Variants in CCSER1 observed in about 807,000 individuals in gnomAD.
CCSER1 encodes coiled-coil serine rich protein 1.
Under a neutral mutation model 82.0 loss-of-function variants are expected in CCSER1, and 41 were observed. The observed-to-expected ratio is 0.50, with a 90% CI of 0.39 to 0.65. The LOEUF (loss-of-function observed/expected upper bound fraction) is 0.65. CCSER1 is among the 30% of genes least tolerant of loss of function. The pLI, the probability that CCSER1 is intolerant of heterozygous loss-of-function variation, is 0.00. For synonymous variants in CCSER1, 414 were observed against 383.9 expected, an observed-to-expected ratio of 1.08 and a Z score of -0.92; for missense variants, 1,119 against 1,064.2, an observed-to-expected ratio of 1.05 and a Z score of -0.72.
chr4:90,673,791 A>G (rs1008351756), intron 6 of CCSER1, among the ~76,000 whole-genome samples: 1 of 151,992 alleles, frequency 6.6e-6, no homozygotes, highest in Admixed American at 6.6e-5. Context: ...ACAACCCATT[A>G]TACATACGTT....
intron 3 of CCSER1, among the ~76,000 whole-genome samples, chr4:90,368,111 C>T (rs972124943): frequency 2.6e-5 from 4 of 151,834 alleles, no homozygotes; most frequent in African/African-American, 9.7e-5. Flanking sequence ...CAAAAGAACA[C>T]TCCAATGCTA....
intron 5 of CCSER1, among the ~76,000 whole-genome samples, chr4:90,613,429 A>G (rs1560813922): frequency 6.6e-6 from 1 of 152,184 alleles, no homozygotes; most frequent in Non-Finnish European, 1.5e-5. Flanking sequence ...AGAGGTGGGC[A>G]TCTCACAAGT....
At chr4:90,425,922 TTA>T (rs1491245147) in intron 4 of CCSER1, among the ~76,000 whole-genome samples, 4 of 151,058 alleles carry the variant, frequency 2.6e-5, no homozygotes, top group African/African-American at 9.9e-5. Context: ...TCTATTTTTT[TTA>T]AAAAAAAAAC....
At chr4:90,992,894 A>G (rs1737166788) in intron 9 of CCSER1, among the ~76,000 whole-genome samples, 1 of 151,926 alleles carries the variant, frequency 6.6e-6, no homozygotes, top group Admixed American at 6.6e-5. Flanking sequence ...CCCAAATCAT[A>G]TCCATTCTAT....
intron 1 of CCSER1, among the ~76,000 whole-genome samples, chr4:90,170,484 T>G (rs1452562226): frequency 2.6e-5 from 4 of 151,762 alleles, no homozygotes; most frequent in Non-Finnish European, 4.4e-5. Flanking sequence ...TTATTCTAAT[T>G]ATATTTTTCA....
At chr4:90,733,874 T>C (rs1322643374) in intron 7 of CCSER1, among the ~76,000 whole-genome samples, 1 of 152,028 alleles carries the variant, frequency 6.6e-6, no homozygotes, top group Non-Finnish European at 1.5e-5. Flanking sequence ...TTCTGTCCCA[T>C]TGGTCTGTGT....
intron 10 of CCSER1, among the ~76,000 whole-genome samples, chr4:91,466,223 C>T (rs558379849): frequency 3.3e-4 from 50 of 152,228 alleles, no homozygotes; most frequent in African/African-American, 1.1e-3. Context: ...AAACGTAATC[C>T]ATCATATAAA....
chr4:91,353,508 T>C (rs1748620623), intron 10 of CCSER1, among the ~76,000 whole-genome samples: 1 of 152,234 alleles, frequency 6.6e-6, no homozygotes, highest in Non-Finnish European at 1.5e-5. Flanking sequence ...CTGCCTGTCT[T>C]TGGTTTTACT....
Position 91,118,278 on chromosome 4 carries a change from T to C in CCSER1, c.2217+32284T>C, listed in dbSNP as rs375384414. On this transcript the variant is annotated intron_variant, in intron 10 of 10. Transcript: ENST00000509176. ...CTGGAAGAAGTAACAACTGTAGTTA[T>C]GGAGACTTTTTTTTTTTTTTTTTTT... Among the ~76,000 whole-genome samples, 36 of 147,382 alleles carry C rather than the reference T, an allele frequency of 2.4e-4. No homozygotes were observed. In the East Asian group the frequency reaches 6.5e-3, roughly 27 times the overall value.
At position 90,348,838 on chromosome 4, in the gene CCSER1, G is replaced by A. The variant is rs192345406; in HGVS notation, c.1509+35791G>A. On this transcript the variant is annotated intron_variant, in intron 3 of 10. Transcript: ENST00000509176. ...GCCAGAATAATTGCCCTAAGCAACGGTCTTAAACGTTGTTGTGAACCACAT... is the reference window on the plus strand; with the variant it reads ...GCCAGAATAATTGCCCTAAGCAACGATCTTAAACGTTGTTGTGAACCACAT... Among the ~76,000 whole-genome samples the A allele has an allele frequency of 1.5e-3, 235 of 152,192 alleles. 1 individual carries two copies. Among genetic ancestry groups the A allele is most frequent in the African/African-American group, 5.3e-3 (219 of 41,526 alleles).
At chr4:91,500,733 G>A (rs552530360) in intron 10 of CCSER1, among the ~76,000 whole-genome samples, 3 of 152,070 alleles carry the variant, frequency 2.0e-5, no homozygotes, top group African/African-American at 7.2e-5. Context: ...CATGAAAAAT[G>A]TAGATAACAA....
At chr4:90,669,770 A>G (rs13111043) in intron 6 of CCSER1, among the ~76,000 whole-genome samples, 116,930 of 151,918 alleles carry the variant, frequency 0.77, 45,159 homozygotes, top group Middle Eastern at 0.8. Flanking sequence ...ATGCTTGTAG[A>G]TATAAGTTAT....
Position 90,181,346 on chromosome 4 carries a change from A to G in CCSER1, c.-42+53515A>G, listed in dbSNP as rs978648411. 3.3e-5 allele frequency among the ~76,000 whole-genome samples: 5 copies of G among 152,316 alleles called. No individual in the cohort carries two copies. In the East Asian group the frequency reaches 9.6e-4, roughly 29 times the overall value. On this transcript the variant is annotated intron_variant, in intron 1 of 10. Transcript: ENST00000509176. The stretch of plus-strand genomic sequence containing the variant: ...TCAAGGGAAAAATTTTCACAATATG[A>G]TATACAAAAGTTAATGCAAAAGTAA...
chr4:90,303,538 C>G lies in CCSER1; in HGVS notation c.-41-4706C>G, dbSNP rs1204663515. On this transcript the variant is annotated intron_variant, in intron 1 of 10. Transcript: ENST00000509176. Reference sequence around the variant, plus strand: ...TGATCTTTGACAAATCTGAGAAAAACAAGCAATGGGGAAAGGATTCCCTAT... The same window carrying G: ...TGATCTTTGACAAATCTGAGAAAAAGAAGCAATGGGGAAAGGATTCCCTAT... 3.3e-5 allele frequency among the ~76,000 whole-genome samples: 5 copies of G among 152,150 alleles called. No homozygotes were observed. In the East Asian group the frequency reaches 9.7e-4, roughly 29 times the overall value.
chr4:91,533,757 C>T (rs577251000), intron 10 of CCSER1, among the ~76,000 whole-genome samples: 2 of 151,880 alleles, frequency 1.3e-5, no homozygotes, highest in South Asian at 4.2e-4. Flanking sequence ...TTTGTAAGCT[C>T]ATTATTTCTA....
chr4:91,499,692 CT>C lies in CCSER1; in HGVS notation c.2218-98876del, dbSNP rs555436483. On this transcript the variant is annotated intron_variant, in intron 10 of 10. Coordinates refer to ENST00000509176, the MANE Select transcript of CCSER1 (RefSeq NM_001145065.2). ...CCTTTTACTGTTTCTATAGTTTTTA[CT>C]TTTCCAAAATGTCATATAATTGAAA... Among the ~76,000 whole-genome samples the C allele has an allele frequency of 3.5e-3, 537 of 152,012 alleles. 4 individuals are homozygous for C. The highest frequency in any genetic ancestry group is 0.011 in the South Asian group (55 of 4,822).
chr4:91,166,960 G>T (rs898692307), intron 10 of CCSER1, among the ~76,000 whole-genome samples: 11 of 152,046 alleles, frequency 7.2e-5, no homozygotes, highest in South Asian at 2.1e-4. Flanking sequence ...GATATTAAAT[G>T]GTGCAAATAA....
chr4:90,167,595 G>C (rs1730732231), intron 1 of CCSER1, among the ~76,000 whole-genome samples: 1 of 152,064 alleles, frequency 6.6e-6, no homozygotes, highest in Admixed American at 6.6e-5. Flanking sequence ...TTTAACATTA[G>C]GTATATCTCC....
chr4:90,762,613 C>A (rs1750577588), intron 7 of CCSER1, among the ~76,000 whole-genome samples: 1 of 152,088 alleles, frequency 6.6e-6, no homozygotes, highest in Non-Finnish European at 1.5e-5. Context: ...TTATGCATCA[C>A]CTCTGTAAAC....
Sources: allele counts gnomAD v4.1 joint callset (sites outside exome capture counted in the v4.1 genomes callset), GRCh38; gene constraint gnomAD v4.1.1; transcripts MANE v1.5; gene names NCBI Gene and HGNC (gene_info 2026-07-23, HGNC 2026-07-21).